Variants in IQSEC2 observed in about 807,000 individuals in gnomAD.
IQSEC2 encodes IQ motif and SEC7 domain-containing protein 2.
IQSEC2 carries 6 observed loss-of-function variants against 74.6 expected under a neutral mutation model. The ratio of observed to expected loss-of-function variants is 0.08; its 90% CI spans 0.04 to 0.16. The LOEUF (loss-of-function observed/expected upper bound fraction) is 0.16. Among genes scored for constraint, IQSEC2 ranks in the 10% least tolerant of loss-of-function variants. The pLI, the probability that IQSEC2 is intolerant of heterozygous loss-of-function variation, is 1.00. For synonymous variants in IQSEC2, 494 were observed against 544.5 expected (o/e 0.91, Z 1.29); for missense variants, 734 against 1,306.2 (o/e 0.56, Z 6.75).
downstream of IQSEC2, chrX:53,227,366 C>T (rs1768707257): frequency 4.0e-6 from 1 of 250,044 alleles, no homozygotes; most frequent in East Asian, 5.7e-5. Flanking sequence ...AGATGAGGAA[C>T]CAAGTTCCAG....
chrX:53,320,393 G>A (rs1556879929), intron 1 of IQSEC2, 24 bp downstream of exon 1: 1 of 1,126,897 alleles, frequency 8.9e-7, no homozygotes, highest in Non-Finnish European at 1.2e-6. Flanking sequence ...GGAAGAGCCG[G>A]GGGTACAAAC....
intron 1 of IQSEC2, among the ~76,000 whole-genome samples, chrX:53,319,624 T>G (rs2075409445): frequency 9.0e-6 from 1 of 111,523 alleles, no homozygotes; most frequent in African/African-American, 3.3e-5. Flanking sequence ...ACAGAAAAAG[T>G]GGACCCAGCC....
At position 53,234,472 on chromosome X, in the gene IQSEC2, C is replaced by T. The variant is rs2074094867; in HGVS notation, c.4214G>A (p.Gly1405Asp). ...QMMPAAGAAG[G>D]PGSRPPGGSY... Reference sequence around the variant, plus strand: ...GCCCCCTGGTGGCCGGGATCCAGGGCCCCCAGCCGCGCCTGCTGCTGGCAT... The same window carrying T: ...GCCCCCTGGTGGCCGGGATCCAGGGTCCCCAGCCGCGCCTGCTGCTGGCAT... The change falls in exon 15 of 15, where the codon GGC becomes GAC. Residue 1405 changes from glycine (G) to aspartate (D), a missense_variant. Around this residue, in one of 12 missense-constraint regions of IQSEC2, gnomAD observed 249 missense variants for 467.9 expected, o/e 0.53. Transcript: ENST00000642864. 1 of 1,080,561 alleles carries T rather than the reference C, an allele frequency of 9.3e-7. No individual in the cohort carries two copies. The highest frequency in any genetic ancestry group is 2.5e-5 in the South Asian group (1 of 39,454). The allele number at this position is 1,080,561 out of a possible 1,213,427, so 89.1% of individuals were successfully genotyped here.
intron 2 of IQSEC2, among the ~76,000 whole-genome samples, chrX:53,257,146 G>A (rs997509521): frequency 8.9e-6 from 1 of 111,840 alleles, no homozygotes; most frequent in East Asian, 2.8e-4. Context: ...ATTATGGGGG[G>A]CACAAGGTTG....
At chrX:53,244,262 G>A (rs2074269230) in intron 8 of IQSEC2, among the ~76,000 whole-genome samples, 1 of 107,293 alleles carries the variant, frequency 9.3e-6, no homozygotes, top group Non-Finnish European at 1.9e-5. Flanking sequence ...TAGGGCAGGC[G>A]TGGTATAATC....
chrX:53,245,858 CT>C (rs368569948), intron 8 of IQSEC2, among the ~76,000 whole-genome samples: 6,671 of 75,226 alleles, frequency 0.089, 365 homozygotes, highest in African/African-American at 0.17. Context: ...CTCAATTGTT[CT>C]TTTTTTTTTT....
chrX:53,318,858 C>T (rs1011640222), intron 1 of IQSEC2, among the ~76,000 whole-genome samples: 14 of 113,014 alleles, frequency 1.2e-4, no homozygotes, highest in African/African-American at 4.5e-4. Context: ...CCATGACCCT[C>T]CCTGAATGGA....
At chrX:53,287,265 T>C (rs2075042638) in intron 2 of IQSEC2, among the ~76,000 whole-genome samples, 1 of 112,428 alleles carries the variant, frequency 8.9e-6, no homozygotes, top group Non-Finnish European at 1.9e-5. Context: ...AAATTGGGAA[T>C]GTAAGTGCAG....
chrX:53,292,251 G>A (rs998779277), intron 1 of IQSEC2, among the ~76,000 whole-genome samples: 17 of 111,780 alleles, frequency 1.5e-4, no homozygotes, highest in Non-Finnish European at 1.5e-4. Context: ...CGTGGCTTTC[G>A]TCGAGGCAGC....
At chrX:53,306,439 G>A (rs1309062941) in intron 1 of IQSEC2, among the ~76,000 whole-genome samples, 2 of 111,266 alleles carry the variant, frequency 1.8e-5, no homozygotes, top group Non-Finnish European at 3.8e-5. Context: ...AGCAGAGGTT[G>A]AGGAAAGGGG....
intron 2 of IQSEC2, among the ~76,000 whole-genome samples, chrX:53,285,520 T>C (rs1438905809): frequency 8.9e-6 from 1 of 112,441 alleles, no homozygotes; most frequent in African/African-American, 3.2e-5. Flanking sequence ...AGATTAAAGA[T>C]AATGTGTCTC....
At chrX:53,244,322 C>T (rs971324914) in intron 8 of IQSEC2, among the ~76,000 whole-genome samples, 2 of 110,627 alleles carry the variant, frequency 1.8e-5, no homozygotes, top group African/African-American at 3.3e-5. Context: ...CCCAGGAATT[C>T]GAGAGCCAAC....
chrX:53,274,452 CTTTTTTTTTTTTT>C (rs66510453), intron 2 of IQSEC2, among the ~76,000 whole-genome samples: 3 of 47,113 alleles, frequency 6.4e-5, no homozygotes, highest in African/African-American at 9.7e-5. Flanking sequence ...AGTTACATTT[CTTTTTTTTTTTTT>C]TTTTTTTTTT....
intron 11 of IQSEC2, 102 bp downstream of exon 11, chrX:53,239,093 C>T (rs1386145355): frequency 1.3e-5 from 8 of 635,811 alleles, no homozygotes; most frequent in Non-Finnish European, 2.1e-5. Flanking sequence ...ACCCTTAGTC[C>T]GGTTGTAAGG....
intron 1 of IQSEC2, among the ~76,000 whole-genome samples, chrX:53,318,147 T>C (rs2075396756): frequency 8.9e-6 from 1 of 112,025 alleles, no homozygotes; most frequent in Non-Finnish European, 1.9e-5. Flanking sequence ...TAGGGTAACC[T>C]TGAGTGAGGT....
intron 1 of IQSEC2, among the ~76,000 whole-genome samples, chrX:53,298,381 T>C (rs1443604909): frequency 2.7e-5 from 3 of 111,854 alleles, no homozygotes; most frequent in African/African-American, 6.5e-5. Context: ...TATAGACTTC[T>C]AGGTTGGAAA....
At position 53,234,266 on chromosome X, in the gene IQSEC2, T is replaced by TG. The variant is rs1569290954; in HGVS notation, c.4419dup (p.Ser1474GlnfsTer133). 2.2e-6 allele frequency: 2 copies of TG among 897,293 alleles called. No homozygotes were observed. The highest frequency in any genetic ancestry group is 1.4e-6 in the Non-Finnish European group (1 of 716,681). 73.9% of individuals were successfully genotyped at this position (897,293 alleles called of 1,213,427 possible). Reference sequence around the variant, plus strand: ...CTTGGCTTGGCCTTGGGGTTTGCACTGGGGGGGTTGGCTGTGCCAGGGGGC... The same window carrying TG: ...CTTGGCTTGGCCTTGGGGTTTGCACTGGGGGGGGTTGGCTGTGCCAGGGGGC... On this transcript the variant is annotated frameshift_variant, in exon 15 of 15. Transcript: ENST00000642864. LOFTEE classifies it high-confidence loss of function.
chrX:53,240,774 CT>C (rs34233943), intron 10 of IQSEC2, among the ~76,000 whole-genome samples: 1,105 of 96,950 alleles, frequency 0.011, 9 homozygotes, highest in African/African-American at 0.034. Flanking sequence ...CTTCAAGCAT[CT>C]TTTTTTTTTT....
intron 2 of IQSEC2, among the ~76,000 whole-genome samples, chrX:53,276,433 T>G (rs782102368): frequency 8.9e-6 from 1 of 112,436 alleles, no homozygotes; most frequent in Admixed American, 9.4e-5. Flanking sequence ...TTCTTCTTAG[T>G]TCTACTAATT....
Sources: allele counts gnomAD v4.1 joint callset (sites outside exome capture counted in the v4.1 genomes callset), GRCh38; gene constraint gnomAD v4.1.1; regional missense constraint gnomAD v4.1.1; transcripts MANE v1.5; gene names NCBI Gene and HGNC (gene_info 2026-07-23, HGNC 2026-07-21).